Variants in PLD5 observed in about 807,000 individuals in gnomAD.
The protein encoded by PLD5 is phospholipase D family member 5.
Under a neutral mutation model 61.1 loss-of-function variants are expected in PLD5, and 36 were observed. The observed-to-expected ratio is 0.59, with a 90% confidence interval of 0.45 to 0.78. The LOEUF is 0.78. Ranked by LOEUF, PLD5 falls within the 30% of genes least tolerant of loss-of-function variation. The probability of loss-of-function intolerance (pLI) is 0.00; values close to 1 mark genes in which losing one functional copy is unlikely to be tolerated. For synonymous variants in PLD5, 243 were observed against 242.8 expected, an observed-to-expected ratio of 1.00 and a Z score of -0.01; for missense variants, 515 against 644.4, an observed-to-expected ratio of 0.80 and a Z score of 2.17.
chr1:242,216,620 C>T (rs988882979), intron 5 of PLD5, among the ~76,000 whole-genome samples: 2 of 152,162 alleles, frequency 1.3e-5, no homozygotes, highest in African/African-American at 4.8e-5. Context: ...TGAATAAATG[C>T]AAGCTTCGCT....
chr1:242,386,177 T>C (rs945904620), intron 1 of PLD5, among the ~76,000 whole-genome samples: 3 of 152,308 alleles, frequency 2.0e-5, no homozygotes, highest in Middle Eastern at 3.4e-3. Flanking sequence ...AACCACTTTA[T>C]TTTAACTTTA....
intron 1 of PLD5, among the ~76,000 whole-genome samples, chr1:242,362,225 C>T (rs1661108353): frequency 6.6e-6 from 1 of 151,620 alleles, no homozygotes; most frequent in Non-Finnish European, 1.5e-5. Flanking sequence ...ACAATTATTC[C>T]CTATATGAAA....
chr1:242,511,608 G>A (rs1668911497), intron 1 of PLD5, among the ~76,000 whole-genome samples: 2 of 151,548 alleles, frequency 1.3e-5, no homozygotes, highest in Admixed American at 6.6e-5. Flanking sequence ...AATCAGACAT[G>A]CACAAAATGA....
At chr1:242,180,487 T>C (rs547971396) in intron 5 of PLD5, among the ~76,000 whole-genome samples, 62 of 152,276 alleles carry the variant, frequency 4.1e-4, no homozygotes, top group African/African-American at 1.4e-3. Flanking sequence ...GCTATATTAG[T>C]TCCTTAAAAA....
At chr1:242,412,453 G>C (rs970217413) in intron 1 of PLD5, among the ~76,000 whole-genome samples, 4 of 152,154 alleles carry the variant, frequency 2.6e-5, no homozygotes, top group African/African-American at 9.7e-5. Context: ...AAGCAGTCCT[G>C]GGGTGTGTGT....
chr1:242,348,432 A>G (rs1660264732), intron 1 of PLD5, among the ~76,000 whole-genome samples, 190 bp from the exon 2 acceptor site: 1 of 152,040 alleles, frequency 6.6e-6, no homozygotes, highest in Non-Finnish European at 1.5e-5. Context: ...CAGCCTTCAA[A>G]CCCCACTCTA....
At chr1:242,254,347 T>TAAA (rs201965225) in intron 4 of PLD5, among the ~76,000 whole-genome samples, 2 of 71,688 alleles carry the variant, frequency 2.8e-5, no homozygotes, top group Admixed American at 1.8e-4. Context: ...CTCATTTAAC[T>TAAA]GAAAAAAAAA....
chr1:242,169,148 A>C (rs1424678584), intron 5 of PLD5, among the ~76,000 whole-genome samples: 1 of 151,960 alleles, frequency 6.6e-6, no homozygotes, highest in Non-Finnish European at 1.5e-5. Flanking sequence ...GTATGGCTGG[A>C]AAGATGGTCA....
chr1:242,380,922 A>G (rs967050197), intron 1 of PLD5, among the ~76,000 whole-genome samples: 4 of 152,234 alleles, frequency 2.6e-5, no homozygotes, highest in African/African-American at 9.6e-5. Flanking sequence ...GGTTGCATGG[A>G]AAAAGGAACA....
intron 1 of PLD5, among the ~76,000 whole-genome samples, chr1:242,402,601 T>C (rs935443760): frequency 6.6e-6 from 1 of 152,242 alleles, no homozygotes; most frequent in Non-Finnish European, 1.5e-5. Context: ...TTGTTGGTAC[T>C]ATTCTATAAA....
At chr1:242,522,872 C>T (rs181117318) in intron 1 of PLD5, among the ~76,000 whole-genome samples, 1 of 152,312 alleles carries the variant, frequency 6.6e-6, no homozygotes, top group East Asian at 1.9e-4. Context: ...TAAAATAGTG[C>T]TGTTATCCAA....
chr1:242,378,646 G>C (rs1662105203), intron 1 of PLD5, among the ~76,000 whole-genome samples: 1 of 152,056 alleles, frequency 6.6e-6, no homozygotes, highest in African/African-American at 2.4e-5. Context: ...TTCAAGATCA[G>C]CCTGGCCAGC....
At chr1:242,521,678 C>T (rs970874630) in intron 1 of PLD5, among the ~76,000 whole-genome samples, 2 of 105,196 alleles carry the variant, frequency 1.9e-5, no homozygotes, top group Admixed American at 8.9e-5. Context: ...ATTAGACAGA[C>T]CAGAAGGGTG....
rs189274190 is a variant in PLD5, at chr1:242,346,145, T to C, written c.326+1961A>G. ...AATGCCTAGTAGCTAGAATAATATT[T>C]TCCAGATGGTGGGAGAAGTAGAATT... On this transcript the variant is annotated intron_variant, in intron 2 of 9. Coordinates refer to ENST00000536534, the MANE Select transcript of PLD5 (RefSeq NM_001372062.1). 1.4e-3 allele frequency among the ~76,000 whole-genome samples: 200 copies of C among 146,336 alleles called. 1 individual carries two copies. The highest frequency in any genetic ancestry group is 4.9e-3 in the African/African-American group (191 of 39,196).
chr1:242,305,030 C>T (rs1035746934), intron 2 of PLD5, among the ~76,000 whole-genome samples: 2 of 152,140 alleles, frequency 1.3e-5, no homozygotes, highest in African/African-American at 2.4e-5. Flanking sequence ...CATTTGAACT[C>T]GGGAGGCAGA....
chr1:242,364,018 G>A (rs1427717848), intron 1 of PLD5, among the ~76,000 whole-genome samples: 2 of 151,984 alleles, frequency 1.3e-5, no homozygotes, highest in Non-Finnish European at 2.9e-5. Context: ...AAAATATAAT[G>A]GCCAAAAGTA....
chr1:242,428,121 G>T (rs1403381439), intron 1 of PLD5, among the ~76,000 whole-genome samples: 1 of 152,118 alleles, frequency 6.6e-6, no homozygotes, highest in African/African-American at 2.4e-5. Flanking sequence ...CAAGCACACT[G>T]AATTCTAACA....
In PLD5 at chr1:242,254,383, G is replaced by C. The variant is rs543126576; in HGVS notation, c.607+10954C>G. Among the ~76,000 whole-genome samples, 15 of 150,892 alleles carry C rather than the reference G, an allele frequency of 9.9e-5. No individual in the cohort carries two copies. In the East Asian group the frequency reaches 2.9e-3, roughly 29 times the overall value. On this transcript the variant is annotated intron_variant, in intron 4 of 9. Coordinates refer to ENST00000536534, the MANE Select transcript of PLD5 (RefSeq NM_001372062.1). Reference sequence around the variant, plus strand: ...AAAAAAAAGAAAGAAAGGAAAAAAAGGAAAGGCTGGGCGTGGTGGCTCACG... The same window carrying C: ...AAAAAAAAGAAAGAAAGGAAAAAAACGAAAGGCTGGGCGTGGTGGCTCACG...
chr1:242,505,666 G>C (rs1371275598), intron 1 of PLD5, among the ~76,000 whole-genome samples: 5 of 152,208 alleles, frequency 3.3e-5, no homozygotes, highest in Non-Finnish European at 7.3e-5. Flanking sequence ...CCTACCCTCT[G>C]AGCTGTGCGT....
Sources: allele counts gnomAD v4.1 joint callset (sites outside exome capture counted in the v4.1 genomes callset), GRCh38; gene constraint gnomAD v4.1.1; transcripts MANE v1.5; gene names NCBI Gene and HGNC (gene_info 2026-07-23, HGNC 2026-07-21).